The following TVP23A variants were observed in gnomAD, a reference collection of about 807,000 sequenced individuals.
TVP23A encodes trans-golgi network vesicle protein 23 homolog A.
TVP23A carries 21 observed loss-of-function variants against 31.7 expected under a neutral mutation model. The observed-to-expected ratio is 0.66, with a 90% CI of 0.47 to 0.95. TVP23A has a LOEUF of 0.95. TVP23A is among the 40% of genes least tolerant of loss of function. The pLI, the probability that TVP23A is intolerant of heterozygous loss-of-function variation, is 0.00. For synonymous variants in TVP23A, 104 were observed against 96.0 expected, an observed-to-expected ratio of 1.08 and a Z score of -0.49; for missense variants, 279 against 255.6, an observed-to-expected ratio of 1.09 and a Z score of -0.62.
intron 2 of TVP23A, among the ~76,000 whole-genome samples, chr16:10,801,398 G>A (rs1157421976): frequency 6.6e-6 from 1 of 152,114 alleles, no homozygotes; most frequent in Non-Finnish European, 1.5e-5. Context: ...TCCATGTCAT[G>A]AGAAATAAAG....
At chr16:10,803,506 C>G (rs1038026815) in intron 2 of TVP23A, among the ~76,000 whole-genome samples, 1 of 152,002 alleles carries the variant, frequency 6.6e-6, no homozygotes, top group African/African-American at 2.4e-5. Context: ...GGTTTCGACC[C>G]AGTGTGCACA....
At chr16:10,811,078 T>C (rs2034175203) in intron 2 of TVP23A, among the ~76,000 whole-genome samples, 2 of 152,144 alleles carry the variant, frequency 1.3e-5, no homozygotes. Flanking sequence ...GACTAGTGGT[T>C]CCCAGGGGCT....
At chr16:10,795,021 G>C (rs189422027) in intron 2 of TVP23A, among the ~76,000 whole-genome samples, 1 of 152,188 alleles carries the variant, frequency 6.6e-6, no homozygotes, top group East Asian at 1.9e-4. Flanking sequence ...CAGATTCCAG[G>C]TAGAGATGGA....
chr16:10,781,314 G>C (rs1327831393), intron 2 of TVP23A, among the ~76,000 whole-genome samples: 2 of 149,710 alleles, frequency 1.3e-5, no homozygotes, highest in Non-Finnish European at 3.0e-5. Flanking sequence ...GGGTGACAGA[G>C]TGAGACTCCA....
chr16:10,818,546 G>A lies in TVP23A; in HGVS notation c.-53C>T. ...CAGGCCCGGGGCTCCAGCTCCGCCCGTCGCCGCTGAAGGGGTCGGACGCCG... is the reference window on the plus strand; with the variant it reads ...CAGGCCCGGGGCTCCAGCTCCGCCCATCGCCGCTGAAGGGGTCGGACGCCG... On this transcript the variant is annotated 5_prime_UTR_variant, in exon 1 of 8. The change creates a new upstream start codon in the 5' untranslated region. Transcript: ENST00000299866. The surrounding 1 kb of genome is among the most constrained non-coding windows in gnomAD (Gnocchi z 4.7). The A allele has an allele frequency of 1.3e-6, 2 of 1,586,098 alleles. No homozygotes were observed. Among genetic ancestry groups the A allele is most frequent in the Non-Finnish European group, 1.7e-6 (2 of 1,172,688 alleles).
intron 2 of TVP23A, among the ~76,000 whole-genome samples, chr16:10,795,874 C>A (rs2033361474): frequency 6.6e-6 from 1 of 152,064 alleles, no homozygotes; most frequent in Non-Finnish European, 1.5e-5. Flanking sequence ...AGAACATACC[C>A]CCTCCTTTGA....
intron 2 of TVP23A, among the ~76,000 whole-genome samples, chr16:10,776,332 G>T (rs1446649905): frequency 1.3e-5 from 2 of 151,992 alleles, no homozygotes; most frequent in Admixed American, 1.3e-4. Context: ...CCAAGATCAC[G>T]CCACTGCACT....
chr16:10,775,424 T>C (rs2031942605), intron 2 of TVP23A: 1 of 1,110,036 alleles, frequency 9.0e-7, no homozygotes, highest in Non-Finnish European at 1.1e-6. Flanking sequence ...CCTTCCCGCC[T>C]AGCAGAGATG....
downstream of TVP23A, chr16:10,763,891 G>A: frequency 5.8e-6 from 1 of 173,644 alleles, no homozygotes; most frequent in South Asian, 9.8e-5. Context: ...TCAGCCCAAG[G>A]GAGCATCCCA....
intron 2 of TVP23A, among the ~76,000 whole-genome samples, chr16:10,815,384 C>A (rs1356484646): frequency 6.6e-6 from 1 of 152,130 alleles, no homozygotes; most frequent in Non-Finnish European, 1.5e-5. Context: ...TGTGCTCCAG[C>A]GTGGGTGACA....
chr16:10,799,647 T>G (rs147028175), intron 2 of TVP23A, among the ~76,000 whole-genome samples: 1 of 152,350 alleles, frequency 6.6e-6, no homozygotes, highest in Non-Finnish European at 1.5e-5. Context: ...TGAAGAATTT[T>G]AACTCTGCAT....
intron 2 of TVP23A, among the ~76,000 whole-genome samples, chr16:10,796,267 G>A (rs2033382505): frequency 6.6e-6 from 1 of 152,072 alleles, no homozygotes; most frequent in African/African-American, 2.4e-5. Flanking sequence ...TAGAGCCCAG[G>A]AGTTCAAGGC....
exon 9 of TVP23A, chr16:10,761,429 CG>C (rs763534337): frequency 1.2e-6 from 2 of 1,614,126 alleles, no homozygotes; most frequent in Non-Finnish European, 1.7e-6. Context: ...TGCCCATCAT[CG>C]GGGTGGTGGA....
Position 10,774,033 on chromosome 16 carries a change from GA to G in TVP23A, c.324+5del. 1.2e-6 allele frequency: 2 copies of G among 1,607,898 alleles called. No individual in the cohort carries two copies. The highest frequency in any genetic ancestry group is 1.7e-6 in the Non-Finnish European group (2 of 1,176,694). ...TCTGGTTAGTTCAGCTCGTCATGGA[GA>G]ATACCTTCCTGGCTTCAAAGATCCA... On this transcript the variant is annotated splice_donor_5th_base_variant and intron_variant, in intron 4 of 7. Coordinates refer to ENST00000299866, the MANE Select transcript of TVP23A (RefSeq NM_001079512.4).
chr16:10,757,810 A>T, downstream of TVP23A: 1 of 1,553,598 alleles, frequency 6.4e-7, no homozygotes, highest in Non-Finnish European at 8.8e-7. The surrounding 1 kb of genome is among the most constrained non-coding windows in gnomAD (Gnocchi z 4.1). Context: ...AAAAAAAAAG[A>T]GGGAGTTGAA....
intron 6 of TVP23A, among the ~76,000 whole-genome samples, chr16:10,770,868 C>CAAAAAAAAAAAAAAAAAAAAAAAAA (rs376701429): frequency 4.5e-5 from 3 of 66,482 alleles, no homozygotes; most frequent in African/African-American, 1.6e-4. Flanking sequence ...ACTCCCATCT[C>CAAAAAAAAAAAAAAAAAAAAAAAAA]AAAAAAAAAA....
intron 2 of TVP23A, among the ~76,000 whole-genome samples, chr16:10,808,794 G>T (rs2034063492): frequency 6.6e-6 from 1 of 151,936 alleles, no homozygotes; most frequent in South Asian, 2.1e-4. Context: ...CTCCCCAAAA[G>T]AAAAAGAAAC....
rs1045599167 is a variant in TVP23A, at chr16:10,777,823, C to A, written c.90-2727G>T. Among the ~76,000 whole-genome samples, 1 of 151,858 alleles carries A rather than the reference C, an allele frequency of 6.6e-6. No homozygotes were observed. Among genetic ancestry groups the A allele is most frequent in the African/African-American group, 2.4e-5 (1 of 41,336 alleles). On this transcript the variant is annotated intron_variant, in intron 2 of 7. Coordinates refer to ENST00000299866, the MANE Select transcript of TVP23A (RefSeq NM_001079512.4). The surrounding 1 kb of genome is among the most constrained non-coding windows in gnomAD (Gnocchi z 4.5). The stretch of plus-strand genomic sequence containing the variant: ...TCAAGAGACTGAGACCATCCCTGGC[C>A]AACATGGTGAAACCCCGTCTCTACT...
chr16:10,770,109 C>T (rs1413328864), intron 7 of TVP23A, among the ~76,000 whole-genome samples, 163 bp downstream of exon 7: 2 of 152,254 alleles, frequency 1.3e-5, no homozygotes, highest in Non-Finnish European at 2.9e-5. Flanking sequence ...GCTGCAAAGC[C>T]CAGGGCAGGC....
Sources: allele counts gnomAD v4.1 joint callset (sites outside exome capture counted in the v4.1 genomes callset), GRCh38; gene constraint gnomAD v4.1.1; non-coding constraint Gnocchi (gnomAD v3.1); transcripts MANE v1.5; gene names NCBI Gene and HGNC (gene_info 2026-07-23, HGNC 2026-07-21).